ZNF804B: variants seen among roughly 807,000 people sequenced by gnomAD.
ZNF804B encodes the protein zinc finger 804B.
ZNF804B carries 80 observed loss-of-function variants against 101.4 expected under a neutral mutation model. That is an observed-to-expected ratio of 0.79 (90% CI 0.66 to 0.95). The LOEUF is 0.95. ZNF804B is among the 40% of genes least tolerant of loss of function. The pLI is 0.00. For missense variants in ZNF804B, 1,673 were observed against 1,561.9 expected (o/e 1.07, Z -1.20); for synonymous variants, 622 against 558.8 (o/e 1.11, Z -1.59).
chr7:89,017,381 G>A (rs1378086281), intron 1 of ZNF804B, among the ~76,000 whole-genome samples: 3 of 152,300 alleles, frequency 2.0e-5, no homozygotes, highest in Non-Finnish European at 2.9e-5. Context: ...ATGTTGAATA[G>A]GAGTGTTGAG....
intron 1 of ZNF804B, among the ~76,000 whole-genome samples, chr7:89,158,598 A>G (rs1562900608): frequency 6.6e-6 from 1 of 152,142 alleles, no homozygotes; most frequent in South Asian, 2.1e-4. Flanking sequence ...ATAGAATACA[A>G]ATCTTCTTCA....
intron 1 of ZNF804B, among the ~76,000 whole-genome samples, chr7:89,019,147 T>G (rs185133332): frequency 1.2e-4 from 19 of 152,196 alleles, no homozygotes; most frequent in Admixed American, 1.2e-3. Context: ...TACTACTGCT[T>G]TTGCTGCATC....
chr7:88,900,277 A>T (rs1254961380), intron 1 of ZNF804B, among the ~76,000 whole-genome samples: 2 of 151,948 alleles, frequency 1.3e-5, no homozygotes, highest in African/African-American at 4.8e-5. Flanking sequence ...AGGATTTTTA[A>T]AAATTGGCAA....
intron 1 of ZNF804B, among the ~76,000 whole-genome samples, chr7:88,851,248 T>C (rs1791447162): frequency 6.6e-6 from 1 of 152,074 alleles, no homozygotes; most frequent in African/African-American, 2.4e-5. Context: ...GAATATTTTC[T>C]CAATTTTATA....
intron 1 of ZNF804B, among the ~76,000 whole-genome samples, chr7:89,041,177 G>A (rs567212836): frequency 8.5e-5 from 13 of 152,256 alleles, no homozygotes; most frequent in East Asian, 1.9e-4. Flanking sequence ...AGCCTGATTC[G>A]AAGGGGCTTG....
intron 1 of ZNF804B, among the ~76,000 whole-genome samples, chr7:88,869,109 A>G (rs2115874343): frequency 6.6e-6 from 1 of 152,340 alleles, no homozygotes; most frequent in Admixed American, 6.5e-5. Flanking sequence ...CAGAGGCAAG[A>G]TATTTTTATA....
intron 2 of ZNF804B, among the ~76,000 whole-genome samples, chr7:89,304,192 T>A (rs1790525609): frequency 6.6e-6 from 1 of 151,938 alleles, no homozygotes; most frequent in South Asian, 2.1e-4. Context: ...ATAGGATCAT[T>A]GTCTCCCAGT....
chr7:89,245,123 G>C (rs1419730909), intron 2 of ZNF804B, among the ~76,000 whole-genome samples: 1 of 152,086 alleles, frequency 6.6e-6, no homozygotes, highest in Non-Finnish European at 1.5e-5. Flanking sequence ...TACCCACAAA[G>C]ATGTTAACAT....
intron 1 of ZNF804B, among the ~76,000 whole-genome samples, chr7:88,914,381 T>C (rs1792600924): frequency 6.6e-6 from 1 of 152,158 alleles, no homozygotes; most frequent in African/African-American, 2.4e-5. Context: ...TTGCCCCTGC[T>C]AATACTCTCC....
intron 1 of ZNF804B, among the ~76,000 whole-genome samples, chr7:89,065,685 T>C (rs1054419344): frequency 2.0e-5 from 3 of 152,140 alleles, no homozygotes; most frequent in Admixed American, 6.6e-5. Context: ...TAAAGGCTTC[T>C]GGTGGGGTTG....
intron 1 of ZNF804B, among the ~76,000 whole-genome samples, chr7:89,056,236 T>A (rs1164715969): frequency 2.0e-5 from 3 of 152,100 alleles, no homozygotes; most frequent in African/African-American, 4.8e-5. Flanking sequence ...AAAGATTCCT[T>A]GTCCTGTAGC....
At chr7:89,171,395 C>CTCTTCTTCT (rs778183139) in intron 1 of ZNF804B, among the ~76,000 whole-genome samples, 2 of 91,914 alleles carry the variant, frequency 2.2e-5, no homozygotes, top group Non-Finnish European at 2.3e-5. Context: ...CCTCTTCTTC[C>CTCTTCTTCT]TCTTCTTCTT....
intron 1 of ZNF804B, among the ~76,000 whole-genome samples, chr7:89,015,253 G>C (rs1013843710): frequency 1.3e-5 from 2 of 150,954 alleles, no homozygotes; most frequent in African/African-American, 4.9e-5. Context: ...CACATAACTT[G>C]GTAGTATATT....
At chr7:89,251,802 A>G (rs1361066366) in intron 2 of ZNF804B, among the ~76,000 whole-genome samples, 3 of 152,176 alleles carry the variant, frequency 2.0e-5, no homozygotes, top group African/African-American at 7.2e-5. Context: ...AAAACAAGCA[A>G]TGGGGAAAGG....
At chr7:89,100,520 A>T (rs1430848784) in intron 1 of ZNF804B, among the ~76,000 whole-genome samples, 1 of 152,168 alleles carries the variant, frequency 6.6e-6, no homozygotes, top group Non-Finnish European at 1.5e-5. Context: ...AACAAAGTGA[A>T]GAGACAACCT....
intron 1 of ZNF804B, among the ~76,000 whole-genome samples, chr7:88,786,540 T>A (rs1287745269): frequency 1.3e-5 from 2 of 152,144 alleles, no homozygotes; most frequent in African/African-American, 4.8e-5. Flanking sequence ...GCTTAATTTA[T>A]TTTAATTTAT....
intron 1 of ZNF804B, among the ~76,000 whole-genome samples, chr7:88,799,799 T>TG (rs1773758689): frequency 6.6e-6 from 1 of 152,018 alleles, no homozygotes; most frequent in South Asian, 2.1e-4. Context: ...ACAATAAATA[T>TG]CATGCAAATG....
At chr7:89,146,419 A>G (rs1374881686) in intron 1 of ZNF804B, among the ~76,000 whole-genome samples, 2 of 152,112 alleles carry the variant, frequency 1.3e-5, no homozygotes, top group African/African-American at 4.8e-5. Flanking sequence ...AATGAAATAA[A>G]TTGGAAATCA....
At chr7:89,117,023 A>G (rs543314312) in intron 1 of ZNF804B, among the ~76,000 whole-genome samples, 59 of 152,338 alleles carry the variant, frequency 3.9e-4, no homozygotes, top group African/African-American at 1.4e-3. Context: ...AGAAGGCAAC[A>G]GGAGAAAATA....
Sources: allele counts gnomAD v4.1 joint callset (sites outside exome capture counted in the v4.1 genomes callset), GRCh38; gene constraint gnomAD v4.1.1; transcripts MANE v1.5; gene names NCBI Gene and HGNC (gene_info 2026-07-23, HGNC 2026-07-21).